Variants in ASPRV1 observed in about 807,000 individuals in gnomAD.
The protein encoded by ASPRV1 is retroviral-like aspartic protease 1.
In ASPRV1, 7 loss-of-function variants were observed where a neutral mutation model predicts 11.0. That is an observed-to-expected ratio of 0.64 (90% CI 0.36 to 1.20). The LOEUF is 1.20. ASPRV1 is among the 50% of genes most tolerant of loss of function. ASPRV1 has a pLI of 0.02. For synonymous variants in ASPRV1, 136 were observed against 138.4 expected (o/e 0.98, Z 0.12); for missense variants, 299 against 320.0 (o/e 0.93, Z 0.50).
At chr2:70,071,828 GCA>G in the ASPRV1 span, 1 of 152,016 alleles carries the variant, frequency 6.6e-6, no homozygotes, top group Non-Finnish European at 1.5e-5. Flanking sequence ...TTTCAGCAGG[GCA>G]CAGTGGCTCA....
the ASPRV1 span, among the ~76,000 whole-genome samples, chr2:70,072,287 G>A: frequency 6.8e-4 from 103 of 152,136 alleles, no homozygotes; most frequent in East Asian, 0.018. Context: ...CTGGTGTGGT[G>A]GCACACAGTA....
the ASPRV1 span, among the ~76,000 whole-genome samples, chr2:70,057,712 CAA>C: frequency 2.0e-5 from 3 of 152,044 alleles, no homozygotes; most frequent in African/African-American, 7.2e-5. Flanking sequence ...CTCCTGACCT[CAA>C]GTGATTCACC....
chr2:70,056,181 G>A, the ASPRV1 span: 1 of 152,176 alleles, frequency 6.6e-6, no homozygotes, highest in South Asian at 2.1e-4. Flanking sequence ...GTACCAGAGA[G>A]AAAGGAGGGG....
chr2:70,052,677 G>T, the ASPRV1 span, among the ~76,000 whole-genome samples: 1 of 152,164 alleles, frequency 6.6e-6, no homozygotes, highest in African/African-American at 2.4e-5. Flanking sequence ...AGCCAGGCCA[G>T]TGACAGTGTG....
downstream of ASPRV1, among the ~76,000 whole-genome samples, chr2:69,955,540 C>A (rs987535139): frequency 3.3e-5 from 5 of 152,168 alleles, no homozygotes; most frequent in Admixed American, 2.0e-4. Context: ...GTTAGCAATT[C>A]GGAAACAACT....
the ASPRV1 span, among the ~76,000 whole-genome samples, chr2:69,954,992 C>T: frequency 6.6e-6 from 1 of 152,210 alleles, no homozygotes; most frequent in African/African-American, 2.4e-5. Flanking sequence ...GGGTTACTGA[C>T]CCACAATATC....
the ASPRV1 span, among the ~76,000 whole-genome samples, chr2:69,948,160 T>C: frequency 2.6e-5 from 4 of 151,452 alleles, no homozygotes; most frequent in African/African-American, 4.9e-5. Context: ...GGCAGGAGAA[T>C]TGCTTGAGCC....
chr2:70,071,440 G>A, the ASPRV1 span, among the ~76,000 whole-genome samples: 4 of 152,064 alleles, frequency 2.6e-5, no homozygotes, highest in Admixed American at 6.6e-5. Flanking sequence ...GTATAGTTCC[G>A]GGGTACTGGT....
chr2:70,079,027 G>A, the ASPRV1 span, among the ~76,000 whole-genome samples: 2 of 152,288 alleles, frequency 1.3e-5, no homozygotes, highest in African/African-American at 2.4e-5. Context: ...AGATTTAAGG[G>A]AGACTCTCTA....
the ASPRV1 span, among the ~76,000 whole-genome samples, chr2:70,011,496 G>C: frequency 6.6e-6 from 1 of 152,150 alleles, no homozygotes; most frequent in Non-Finnish European, 1.5e-5. Context: ...GAGCAGATGA[G>C]GGAAGGGAGG....
chr2:69,952,336 C>G, the ASPRV1 span, among the ~76,000 whole-genome samples: 4 of 152,020 alleles, frequency 2.6e-5, no homozygotes, highest in Non-Finnish European at 4.4e-5. Context: ...ATGGCAAAAC[C>G]CCGTCTCTAC....
the ASPRV1 span, chr2:69,938,258 A>G: frequency 6.2e-7 from 1 of 1,614,210 alleles, no homozygotes; most frequent in Non-Finnish European, 8.5e-7. Context: ...GCTGCAGGAC[A>G]GTCACAAGGC....
At chr2:70,006,120 T>C in the ASPRV1 span, among the ~76,000 whole-genome samples, 139 of 152,314 alleles carry the variant, frequency 9.1e-4, no homozygotes, top group African/African-American at 3.2e-3. Flanking sequence ...CCCATGCCCA[T>C]GTGCGCACAC....
chr2:70,082,453 A>G, the ASPRV1 span, among the ~76,000 whole-genome samples: 3 of 152,008 alleles, frequency 2.0e-5, no homozygotes, highest in East Asian at 1.9e-4. Context: ...GCTCACACCT[A>G]TAATCCCAGA....
At chr2:69,979,111 C>T in the ASPRV1 span, among the ~76,000 whole-genome samples, 1,628 of 151,908 alleles carry the variant, frequency 0.011, 32 homozygotes, top group African/African-American at 0.037. Context: ...CTCGGCTCAC[C>T]GCAAGCTCCA....
At chr2:70,044,774 T>C in the ASPRV1 span, among the ~76,000 whole-genome samples, 1 of 152,200 alleles carries the variant, frequency 6.6e-6, no homozygotes, top group African/African-American at 2.4e-5. Flanking sequence ...ACCTCTTATT[T>C]ACTCAGTAAT....
downstream of ASPRV1, among the ~76,000 whole-genome samples, chr2:69,955,517 C>A (rs373331698): frequency 1.6e-3 from 241 of 152,316 alleles, 2 homozygotes; most frequent in African/African-American, 5.7e-3. Context: ...GCTTCTCTTC[C>A]ATAGGTGCAT....
the ASPRV1 span, among the ~76,000 whole-genome samples, chr2:70,034,067 T>C: frequency 8.2e-4 from 116 of 140,622 alleles, no homozygotes; most frequent in African/African-American, 3.0e-3. Context: ...GGCAGGAGAA[T>C]GGCGTGAACC....
the ASPRV1 span, among the ~76,000 whole-genome samples, chr2:70,023,345 G>A: frequency 6.6e-6 from 1 of 152,220 alleles, no homozygotes; most frequent in Non-Finnish European, 1.5e-5. Context: ...GGGGAGGGAA[G>A]AGAGGTCTAT....
Sources: gnomAD v4.1 joint callset for allele counts (sites outside exome capture counted in the v4.1 genomes callset) on GRCh38, gnomAD v4.1.1 for gene constraint, MANE v1.5 for transcripts, NCBI Gene and HGNC (gene_info 2026-07-23, HGNC 2026-07-21) for gene names.